FGF12: variants seen among roughly 807,000 people sequenced by gnomAD.
FGF12 encodes the protein fibroblast growth factor 12B.
FGF12 carries 14 observed loss-of-function variants against 23.6 expected under a neutral mutation model. The observed-to-expected ratio is 0.59, with a 90% CI of 0.39 to 0.93. FGF12 has a LOEUF of 0.93. Among genes scored for constraint, FGF12 ranks in the 40% least tolerant of loss-of-function variants. The probability of loss-of-function intolerance (pLI) is 0.00; values close to 1 mark genes in which losing one functional copy is unlikely to be tolerated. For missense variants in FGF12, 175 were observed against 217.8 expected, an observed-to-expected ratio of 0.80 and a Z score of 1.24; for synonymous variants, 62 against 77.3, an observed-to-expected ratio of 0.80 and a Z score of 1.04.
chr3:192,650,268 A>T (rs1436431066), intron 2 of FGF12, among the ~76,000 whole-genome samples: 1 of 152,166 alleles, frequency 6.6e-6, no homozygotes, highest in Non-Finnish European at 1.5e-5. Context: ...CTCCTTTTTC[A>T]ACCTCAGTTT....
At chr3:192,220,295 A>G (rs1336403965) in intron 4 of FGF12, among the ~76,000 whole-genome samples, 1 of 152,150 alleles carries the variant, frequency 6.6e-6, no homozygotes, top group African/African-American at 2.4e-5. Flanking sequence ...TCCTCCTTGC[A>G]TTTCTACACT....
At chr3:192,496,053 T>C (rs916930982) in intron 2 of FGF12, among the ~76,000 whole-genome samples, 17 of 152,286 alleles carry the variant, frequency 1.1e-4, no homozygotes, top group African/African-American at 4.1e-4. Flanking sequence ...CTTATGTAAA[T>C]ACTCCCCAAA....
intron 2 of FGF12, among the ~76,000 whole-genome samples, chr3:192,509,476 T>C (rs558507453): frequency 6.6e-6 from 1 of 152,336 alleles, no homozygotes; most frequent in South Asian, 2.1e-4. Context: ...GCAATGGAGA[T>C]AACTCTTCCT....
At chr3:192,187,212 C>G (rs1285798148) in intron 4 of FGF12, among the ~76,000 whole-genome samples, 1 of 152,074 alleles carries the variant, frequency 6.6e-6, no homozygotes, top group East Asian at 1.9e-4. Flanking sequence ...TGTGGGAGAG[C>G]AGAACAATAT....
intron 2 of FGF12, among the ~76,000 whole-genome samples, chr3:192,643,562 T>G (rs1432754927): frequency 6.6e-6 from 1 of 152,208 alleles, no homozygotes; most frequent in Non-Finnish European, 1.5e-5. Context: ...TTTTTCCTTG[T>G]TCTTTTAAAT....
intron 2 of FGF12, among the ~76,000 whole-genome samples, chr3:192,485,695 TA>T (rs1723613938): frequency 6.6e-6 from 1 of 152,154 alleles, no homozygotes; most frequent in South Asian, 2.1e-4. Flanking sequence ...GAAGTCTAAT[TA>T]CCCTTAAGTA....
At chr3:192,454,695 T>C in intron 2 of FGF12, among the ~76,000 whole-genome samples, 1 of 152,184 alleles carries the variant, frequency 6.6e-6, no homozygotes, top group South Asian at 2.1e-4. Flanking sequence ...AAGAAAGTTT[T>C]AGAAAATGAC....
intron 2 of FGF12, among the ~76,000 whole-genome samples, chr3:192,713,482 C>G (rs1426603218): frequency 6.6e-6 from 1 of 152,142 alleles, no homozygotes; most frequent in Non-Finnish European, 1.5e-5. Flanking sequence ...GAAATCACCT[C>G]AAATGTTATG....
At chr3:192,444,140 C>T (rs184036881) in intron 2 of FGF12, among the ~76,000 whole-genome samples, 4 of 152,160 alleles carry the variant, frequency 2.6e-5, no homozygotes, top group Non-Finnish European at 5.9e-5. Flanking sequence ...TCAGTCTGGC[C>T]GCCTTGAGTT....
intron 4 of FGF12, chr3:192,265,269 AG>A (rs1187824605): frequency 6.6e-6 from 1 of 152,174 alleles, no homozygotes; most frequent in Non-Finnish European, 1.5e-5. Context: ...TGTAAGAGGT[AG>A]TAACATCCGA....
At chr3:192,389,638 T>A (rs1720210146) in intron 2 of FGF12, among the ~76,000 whole-genome samples, 2 of 152,222 alleles carry the variant, frequency 1.3e-5, no homozygotes, top group Admixed American at 1.3e-4. Context: ...TATTTTAAAA[T>A]CTTTATTTGA....
intron 4 of FGF12, among the ~76,000 whole-genome samples, chr3:192,322,899 A>G (rs553385440): frequency 2.6e-5 from 4 of 152,204 alleles, no homozygotes; most frequent in Non-Finnish European, 5.9e-5. Context: ...AAACTACTGA[A>G]ATCTGGCAAA....
chr3:192,723,050 G>A (rs921383123), intron 2 of FGF12, among the ~76,000 whole-genome samples: 2 of 152,104 alleles, frequency 1.3e-5, no homozygotes, highest in African/African-American at 4.8e-5. Context: ...AATAGAAAAG[G>A]ATAAAACTAT....
intron 2 of FGF12, among the ~76,000 whole-genome samples, chr3:192,454,841 A>G (rs1722631764): frequency 6.6e-6 from 1 of 152,214 alleles, no homozygotes; most frequent in African/African-American, 2.4e-5. Flanking sequence ...GATGTCTGGT[A>G]CATAACCAGA....
chr3:192,726,486 G>C (rs1367031130), intron 2 of FGF12, among the ~76,000 whole-genome samples: 1 of 152,156 alleles, frequency 6.6e-6, no homozygotes, highest in African/African-American at 2.4e-5. Flanking sequence ...TTCAGAAGTT[G>C]ATTTTTACAG....
At chr3:192,715,588 T>G (rs1395423538) in intron 2 of FGF12, among the ~76,000 whole-genome samples, 1 of 152,240 alleles carries the variant, frequency 6.6e-6, no homozygotes, top group Non-Finnish European at 1.5e-5. Flanking sequence ...TACATTTAGA[T>G]ATTTAGTGTA....
chr3:192,215,652 T>G (rs1187564118), intron 4 of FGF12, among the ~76,000 whole-genome samples: 1 of 152,132 alleles, frequency 6.6e-6, no homozygotes, highest in Non-Finnish European at 1.5e-5. Flanking sequence ...TGTTAGGAAG[T>G]TCTCATTGTC....
At chr3:192,609,360 A>C (rs1241860118) in intron 2 of FGF12, among the ~76,000 whole-genome samples, 2 of 152,048 alleles carry the variant, frequency 1.3e-5, no homozygotes, top group East Asian at 3.9e-4. Context: ...CACTCTCCAG[A>C]TATACTTTGG....
chr3:192,406,091 A>C (rs1326618284), intron 2 of FGF12, among the ~76,000 whole-genome samples: 2 of 152,110 alleles, frequency 1.3e-5, no homozygotes, highest in Non-Finnish European at 2.9e-5. Context: ...TTAAACGAAC[A>C]CTGAAGAAAA....
Sources: gnomAD v4.1 joint callset for allele counts (sites outside exome capture counted in the v4.1 genomes callset) on GRCh38, gnomAD v4.1.1 for gene constraint, MANE v1.5 for transcripts, NCBI Gene and HGNC (gene_info 2026-07-23, HGNC 2026-07-21) for gene names.